The following MYRIP variants were observed in gnomAD, a reference collection of about 807,000 sequenced individuals.
MYRIP encodes the protein myosin VIIA and Rab interacting protein.
MYRIP carries 49 observed loss-of-function variants against 98.0 expected under a neutral mutation model. The observed-to-expected ratio is 0.50, with a 90% CI of 0.40 to 0.63. MYRIP has a LOEUF of 0.63. MYRIP is among the 30% of genes least tolerant of loss of function. The pLI is 0.00. For missense variants in MYRIP, 1,004 were observed against 1,058.2 expected (o/e 0.95, Z 0.71); for synonymous variants, 404 against 409.5 (o/e 0.99, Z 0.16).
Position 40,238,268 on chromosome 3 carries a change from G to T in MYRIP, c.2100+4215G>T, listed in dbSNP as rs74951201. Among the ~76,000 whole-genome samples, 15 of 152,168 alleles carry T rather than the reference G, an allele frequency of 9.9e-5. No individual in the cohort carries two copies. The East Asian group carries it at 2.5e-3, about 26-fold the overall frequency. On this transcript the variant is annotated intron_variant, in intron 12 of 16. Transcript: ENST00000302541. ...GTCAGGGAAGGGATGACTTTTCTTC[G>T]TCTCTTTAATTCAACAGATCACAGA...
At chr3:39,868,204 C>T (rs1942679575) in intron 1 of MYRIP, among the ~76,000 whole-genome samples, 2 of 152,186 alleles carry the variant, frequency 1.3e-5, no homozygotes, top group East Asian at 1.9e-4. Flanking sequence ...TGTCCTGCTT[C>T]TCTGAGAACT....
chr3:40,043,285 G>A (rs930509540), intron 2 of MYRIP, among the ~76,000 whole-genome samples: 4 of 152,016 alleles, frequency 2.6e-5, no homozygotes, highest in African/African-American at 9.7e-5. Context: ...CTGTTCTTTG[G>A]GGACCCCCAT....
At chr3:39,878,918 T>C (rs1425635635) in intron 1 of MYRIP, among the ~76,000 whole-genome samples, 1 of 132,282 alleles carries the variant, frequency 7.6e-6, no homozygotes, top group African/African-American at 2.9e-5. Flanking sequence ...AAAAAAAAAA[T>C]AGCTGGGCAT....
chr3:39,849,770 A>G (rs1051976832), intron 1 of MYRIP, among the ~76,000 whole-genome samples: 1 of 152,158 alleles, frequency 6.6e-6, no homozygotes, highest in Non-Finnish European at 1.5e-5. Context: ...TGATTCTCCC[A>G]TAAATAAAAC....
At chr3:40,237,525 A>C (rs1248586682) in intron 12 of MYRIP, among the ~76,000 whole-genome samples, 5 of 152,226 alleles carry the variant, frequency 3.3e-5, no homozygotes, top group African/African-American at 1.2e-4. Context: ...CCTGTAGAAC[A>C]GGGTTTACCA....
rs768336870 is a variant in MYRIP at position 40,233,845 on chromosome 3, A to G, written c.1906-14A>G. On this transcript the variant is annotated splice_polypyrimidine_tract_variant and intron_variant, in intron 11 of 16. Coordinates refer to ENST00000302541, the MANE Select transcript of MYRIP (RefSeq NM_015460.4). ...TTCTTGTCTTCTGTCCCCTTCTGTT[A>G]TCGGACCAAACAGAAGTTTTCTGCT... 1.2e-6 allele frequency: 2 copies of G among 1,608,290 alleles called. No individual in the cohort carries two copies. Among genetic ancestry groups the G allele is most frequent in the Admixed American group, 1.7e-5 (1 of 58,462 alleles).
At chr3:39,896,719 T>C (rs937591331) in intron 1 of MYRIP, among the ~76,000 whole-genome samples, 7 of 152,250 alleles carry the variant, frequency 4.6e-5, no homozygotes, top group Non-Finnish European at 1.0e-4. Context: ...AAAAATGTAC[T>C]GTGGGTTTGT....
intron 3 of MYRIP, among the ~76,000 whole-genome samples, chr3:40,082,834 T>C (rs1342015821): frequency 5.9e-5 from 9 of 152,206 alleles, no homozygotes; most frequent in Non-Finnish European, 5.9e-5. Context: ...GCATTTCTTT[T>C]GCAGATAAAT....
chr3:40,169,946 C>T lies in MYRIP; in HGVS notation c.730-4C>T, dbSNP rs368449765. On this transcript the variant is annotated splice_polypyrimidine_tract_variant and splice_region_variant and intron_variant, in intron 7 of 16. Transcript: ENST00000302541. Reference sequence around the variant, plus strand: ...TTGCCCCTTTTTTGTCCTCCCCTCCCCAGATTATACGAAAACAGAAGAGCA... The same window carrying T: ...TTGCCCCTTTTTTGTCCTCCCCTCCTCAGATTATACGAAAACAGAAGAGCA... 6.2e-7 allele frequency: 1 copy of T among 1,614,068 alleles called. No homozygotes were observed. Among genetic ancestry groups the T allele is most frequent in the Non-Finnish European group, 8.5e-7 (1 of 1,180,038 alleles).
chr3:40,229,007 A>G (rs1362182515), intron 11 of MYRIP, among the ~76,000 whole-genome samples: 1 of 152,254 alleles, frequency 6.6e-6, no homozygotes. Flanking sequence ...CCAGCTTGAA[A>G]TGAATTTGCA....
intron 11 of MYRIP, among the ~76,000 whole-genome samples, chr3:40,217,292 C>T (rs1230688522): frequency 6.6e-6 from 1 of 152,124 alleles, no homozygotes; most frequent in Non-Finnish European, 1.5e-5. Flanking sequence ...CAAAAATTTA[C>T]AAATTAATTC....
intron 2 of MYRIP, among the ~76,000 whole-genome samples, chr3:39,939,646 A>G (rs578053579): frequency 1.2e-4 from 18 of 152,328 alleles, no homozygotes; most frequent in Admixed American, 9.8e-4. Flanking sequence ...ACCTAAATGT[A>G]TAACTTCTAA....
chr3:40,002,389 G>T (rs980929159), intron 2 of MYRIP, among the ~76,000 whole-genome samples: 2 of 152,056 alleles, frequency 1.3e-5, no homozygotes, highest in East Asian at 3.9e-4. Flanking sequence ...ACAAAAATTA[G>T]CTGGGCATAG....
intron 11 of MYRIP, among the ~76,000 whole-genome samples, chr3:40,222,315 G>T (rs1464793297): frequency 6.6e-6 from 1 of 152,160 alleles, no homozygotes; most frequent in Non-Finnish European, 1.5e-5. Flanking sequence ...GCTATGAAAA[G>T]GGGTGGTAAC....
chr3:39,861,275 G>A (rs1575315485), intron 1 of MYRIP, among the ~76,000 whole-genome samples: 2 of 152,034 alleles, frequency 1.3e-5, no homozygotes, highest in South Asian at 4.2e-4. Flanking sequence ...TAGTCAACCA[G>A]GCTTACCTTA....
At chr3:39,888,337 A>C (rs1575347222) in intron 1 of MYRIP, among the ~76,000 whole-genome samples, 1 of 151,964 alleles carries the variant, frequency 6.6e-6, no homozygotes, top group South Asian at 2.1e-4. Context: ...AGAGATATAG[A>C]TCAATGGAAC....
intron 1 of MYRIP, among the ~76,000 whole-genome samples, chr3:39,872,493 C>A (rs539837456): frequency 2.7e-5 from 4 of 146,672 alleles, no homozygotes; most frequent in South Asian, 2.3e-4. Context: ...CCCCCTCCCC[C>A]CATCCCACAA....
At chr3:39,913,550 A>G (rs1470976578) in intron 2 of MYRIP, among the ~76,000 whole-genome samples, 2 of 152,176 alleles carry the variant, frequency 1.3e-5, no homozygotes, top group South Asian at 2.1e-4. Flanking sequence ...GCTTTTATAT[A>G]CTCTTCTGAA....
At chr3:40,081,075 A>G (rs979622667) in intron 3 of MYRIP, among the ~76,000 whole-genome samples, 3 of 152,056 alleles carry the variant, frequency 2.0e-5, no homozygotes, top group African/African-American at 7.2e-5. Context: ...ATTGATTTCA[A>G]ACTTTATTGC....
Sources: gnomAD v4.1 joint callset for allele counts (sites outside exome capture counted in the v4.1 genomes callset) on GRCh38, gnomAD v4.1.1 for gene constraint, MANE v1.5 for transcripts, NCBI Gene and HGNC (gene_info 2026-07-23, HGNC 2026-07-21) for gene names.